The following DYNC2I2 variants were observed in gnomAD, a reference collection of about 807,000 sequenced individuals.
DYNC2I2 encodes the protein cytoplasmic dynein 2 intermediate chain 2.
Under a neutral mutation model 52.0 loss-of-function variants are expected in DYNC2I2, and 39 were observed. The observed-to-expected ratio is 0.75, with a 90% confidence interval of 0.58 to 0.98. DYNC2I2 has a LOEUF of 0.98. Ranked by LOEUF, DYNC2I2 falls within the 50% of genes least tolerant of loss-of-function variation. The pLI, the probability that DYNC2I2 is intolerant of heterozygous loss-of-function variation, is 0.00. For missense variants in DYNC2I2, 743 were observed against 728.4 expected (o/e 1.02, Z -0.23); for synonymous variants, 359 against 321.1 (o/e 1.12, Z -1.26).
chr9:128,682,830 C>T, the DYNC2I2 span, among the ~76,000 whole-genome samples: 4 of 151,484 alleles, frequency 2.6e-5, no homozygotes, highest in African/African-American at 7.3e-5. Context: ...TGCCCACCTC[C>T]ACGCTCGGCT....
intron 1 of DYNC2I2, among the ~76,000 whole-genome samples, chr9:128,648,849 A>G (rs1238287618): frequency 1.3e-5 from 2 of 151,434 alleles, no homozygotes; most frequent in Admixed American, 6.6e-5. Context: ...AGCTACAGCC[A>G]GTCCAGAAGA....
Position 128,640,777 on chromosome 9 carries a change from CCT to C in DYNC2I2, c.347_348del (p.Glu116GlyfsTer17), listed in dbSNP as rs2132155831. The C allele has an allele frequency of 1.2e-6, 2 of 1,614,206 alleles. No homozygotes were observed. Among genetic ancestry groups the C allele is most frequent in the Non-Finnish European group, 1.7e-6 (2 of 1,180,052 alleles). ...PRLAAFLRRV[E>X]AMVIRELNKN... ...TTGTTCAGCTCTCGGATGACCATGG[CCT>C]CCACTCTCCGAAGAAAGGCTGCGAG... On this transcript the variant is annotated frameshift_variant, in exon 2 of 9. Coordinates refer to ENST00000372715, the MANE Select transcript of DYNC2I2 (RefSeq NM_052844.4). LOFTEE classifies it high-confidence loss of function.
chr9:128,653,593 G>A (rs1015654933), intron 1 of DYNC2I2, among the ~76,000 whole-genome samples: 5 of 149,536 alleles, frequency 3.3e-5, no homozygotes, highest in African/African-American at 1.3e-4. Flanking sequence ...GCATGCACCT[G>A]TAGTCCCAGC....
At chr9:128,670,695 C>T in the DYNC2I2 span, among the ~76,000 whole-genome samples, 1 of 151,396 alleles carries the variant, frequency 6.6e-6, no homozygotes, top group Non-Finnish European at 1.5e-5. Context: ...GAGATCACAC[C>T]ACTGCACTTC....
chr9:128,637,236 G>A (rs149179845), intron 2 of DYNC2I2, among the ~76,000 whole-genome samples: 1 of 152,222 alleles, frequency 6.6e-6, no homozygotes, highest in African/African-American at 2.4e-5. Context: ...TGAGAAGCAA[G>A]GCCGACCAGG....
At chr9:128,641,761 G>A (rs755990300) in intron 1 of DYNC2I2, among the ~76,000 whole-genome samples, 1 of 152,006 alleles carries the variant, frequency 6.6e-6, no homozygotes, top group Non-Finnish European at 1.5e-5. Flanking sequence ...AGGCAAGCCC[G>A]GAGGAAGAGG....
intron 1 of DYNC2I2, 137 bp from the exon 2 acceptor site, chr9:128,641,076 CT>C: frequency 7.2e-7 from 1 of 1,379,486 alleles, no homozygotes; most frequent in South Asian, 1.5e-5. Flanking sequence ...TCAGTGAGGT[CT>C]TGGTTGGAGA....
At chr9:128,677,066 T>C in the DYNC2I2 span, among the ~76,000 whole-genome samples, 1 of 151,904 alleles carries the variant, frequency 6.6e-6, no homozygotes, top group Admixed American at 6.6e-5. Context: ...GCCAGGATGG[T>C]CCTGATCTCC....
the DYNC2I2 span, among the ~76,000 whole-genome samples, chr9:128,672,988 C>A: frequency 1.1e-4 from 17 of 152,256 alleles, no homozygotes; most frequent in African/African-American, 3.6e-4. Context: ...TGGGCCACTG[C>A]ACTCCAGCCT....
At chr9:128,669,374 T>C in the DYNC2I2 span, among the ~76,000 whole-genome samples, 1 of 151,252 alleles carries the variant, frequency 6.6e-6, no homozygotes, top group African/African-American at 2.4e-5. Context: ...CAAAAAAATT[T>C]AAGAAATTAA....
At chr9:128,653,870 G>A (rs1295155332) in intron 1 of DYNC2I2, among the ~76,000 whole-genome samples, 1 of 152,088 alleles carries the variant, frequency 6.6e-6, no homozygotes, top group African/African-American at 2.4e-5. Flanking sequence ...AATTGACCAG[G>A]CGTGGTGGCG....
In DYNC2I2 at chr9:128,645,616, C is replaced by CAAAAAAA. The variant is rs59742854; in HGVS notation, c.187-4684_187-4678dup. Among the ~76,000 whole-genome samples the CAAAAAAA allele has an allele frequency of 9.2e-4, 59 of 63,948 alleles. 2 individuals carry two copies. Among genetic ancestry groups the CAAAAAAA allele is most frequent in the African/African-American group, 3.4e-3 (57 of 16,754 alleles). 42.0% of individuals were successfully genotyped at this position (63,948 alleles called of 152,430 possible). A position where few individuals can be genotyped will look rare whatever the true frequency, so the allele number is the denominator to read the frequency against. On this transcript the variant is annotated intron_variant, in intron 1 of 8. Coordinates refer to ENST00000372715, the MANE Select transcript of DYNC2I2 (RefSeq NM_052844.4). ...TGGGCAACAAAGTGAGACTCCATCT[C>CAAAAAAA]AAAAAAAAAAAAAAAAAAAAAAAAA...
the DYNC2I2 span, among the ~76,000 whole-genome samples, chr9:128,684,347 C>G: frequency 1.3e-5 from 2 of 152,142 alleles, no homozygotes; most frequent in African/African-American, 4.8e-5. Context: ...GCCAAATCCC[C>G]GATTCCTGGT....
At chr9:128,671,754 C>A in the DYNC2I2 span, among the ~76,000 whole-genome samples, 2 of 150,526 alleles carry the variant, frequency 1.3e-5, no homozygotes, top group Non-Finnish European at 3.0e-5. Flanking sequence ...TGGGTTCAAG[C>A]CATTCTCCTG....
At position 128,633,740 on chromosome 9, in the gene DYNC2I2, C is replaced by T; in HGVS notation, c.*4G>A. ...GAAGGCTTGCACCCGCCTCCCGGGA[C>T]CCCTCAGGCCGCCACCTCTGCTGCC... On this transcript the variant is annotated 3_prime_UTR_variant, in exon 9 of 9. Transcript: ENST00000372715. 1.9e-6 allele frequency: 3 copies of T among 1,611,972 alleles called. No individual in the cohort carries two copies. The highest frequency in any genetic ancestry group is 2.5e-6 in the Non-Finnish European group (3 of 1,179,762).
At chr9:128,680,123 T>C in the DYNC2I2 span, among the ~76,000 whole-genome samples, 1,443 of 151,498 alleles carry the variant, frequency 9.5e-3, 17 homozygotes, top group East Asian at 0.034. Context: ...TGCAATGGTG[T>C]GACCTCGGCT....
chr9:128,660,805 T>C (rs1257482278), upstream of DYNC2I2, among the ~76,000 whole-genome samples: 2 of 151,788 alleles, frequency 1.3e-5, no homozygotes, highest in African/African-American at 2.4e-5. Context: ...TCTCGGCTCA[T>C]TGCAACCTTC....
intron 5 of DYNC2I2, 64 bp downstream of exon 5, chr9:128,635,594 G>C: frequency 6.2e-6 from 9 of 1,445,850 alleles, no homozygotes; most frequent in Non-Finnish European, 7.6e-6. Context: ...CTTCCTAGGA[G>C]AGTGGGCGCC....
chr9:128,656,137 G>C (rs1860818359), intron 1 of DYNC2I2, among the ~76,000 whole-genome samples: 1 of 149,854 alleles, frequency 6.7e-6, no homozygotes. Flanking sequence ...CTCAGCACCG[G>C]GGGCTGAGGC....
Sources: allele counts gnomAD v4.1 joint callset (sites outside exome capture counted in the v4.1 genomes callset), GRCh38; gene constraint gnomAD v4.1.1; transcripts MANE v1.5; gene names NCBI Gene and HGNC (gene_info 2026-07-23, HGNC 2026-07-21).